ZNF385D: variants seen among roughly 807,000 people sequenced by gnomAD.
The protein encoded by ZNF385D is zinc finger protein 659.
In ZNF385D, 15 loss-of-function variants were observed where a neutral mutation model predicts 35.8. The ratio of observed to expected loss-of-function variants is 0.42; its 90% confidence interval spans 0.28 to 0.64. The LOEUF (loss-of-function observed/expected upper bound fraction) is 0.64. Among genes scored for constraint, ZNF385D ranks in the 30% least tolerant of loss-of-function variants. The pLI is 0.23. For missense variants in ZNF385D, 474 were observed against 494.6 expected (o/e 0.96, Z 0.39); for synonymous variants, 212 against 186.8 (o/e 1.13, Z -1.10).
At chr3:22,198,769 C>T (rs1269429434) in intron 2 of ZNF385D, among the ~76,000 whole-genome samples, 3 of 152,020 alleles carry the variant, frequency 2.0e-5, no homozygotes, top group Non-Finnish European at 2.9e-5. Context: ...AGTAAACAAC[C>T]TTTCCCCAAT....
intron 1 of ZNF385D, among the ~76,000 whole-genome samples, chr3:21,705,558 G>T (rs1339167608): frequency 6.6e-6 from 1 of 152,100 alleles, no homozygotes; most frequent in African/African-American, 2.4e-5. Flanking sequence ...CTACCTACGT[G>T]GGCATGGGAA....
At chr3:21,427,508 T>C (rs539234126) in intron 5 of ZNF385D, among the ~76,000 whole-genome samples, 1 of 152,240 alleles carries the variant, frequency 6.6e-6, no homozygotes, top group African/African-American at 2.4e-5. Flanking sequence ...AATACTTAAG[T>C]AGTTTATGTT....
At chr3:22,141,316 TTC>T (rs1470681474) in intron 3 of ZNF385D, among the ~76,000 whole-genome samples, 1 of 152,160 alleles carries the variant, frequency 6.6e-6, no homozygotes, top group Non-Finnish European at 1.5e-5. Flanking sequence ...AAAGAACATA[TTC>T]TCTTTCTCCT....
chr3:21,894,875 G>C (rs1051151499), intron 3 of ZNF385D, among the ~76,000 whole-genome samples: 1 of 152,014 alleles, frequency 6.6e-6, no homozygotes, highest in African/African-American at 2.4e-5. Flanking sequence ...AACCTCTGAA[G>C]AGTCAAGATA....
At chr3:21,864,019 G>T (rs116274832) in intron 3 of ZNF385D, among the ~76,000 whole-genome samples, 1 of 152,100 alleles carries the variant, frequency 6.6e-6, no homozygotes, top group African/African-American at 2.4e-5. Context: ...TGGATTATAC[G>T]TTGTGTAACC....
chr3:21,787,962 AAAAAAAAAAAAAAAAAAAAAG>A (rs1209038207), intron 3 of ZNF385D, among the ~76,000 whole-genome samples: 35 of 62,642 alleles, frequency 5.6e-4, no homozygotes, highest in Admixed American at 1.9e-3. Context: ...AAAAAAAAAA[AAAAAAAAAAAAAAAAAAAAAG>A]AGAGAGAGAG....
intron 2 of ZNF385D, among the ~76,000 whole-genome samples, chr3:22,281,577 T>C (rs1470689868): frequency 6.6e-6 from 1 of 152,108 alleles, no homozygotes; most frequent in Non-Finnish European, 1.5e-5. Context: ...TGCGCATCCC[T>C]TGTATGAAAT....
intron 2 of ZNF385D, among the ~76,000 whole-genome samples, chr3:22,340,343 T>A: frequency 6.6e-6 from 1 of 152,042 alleles, no homozygotes; most frequent in South Asian, 2.1e-4. Context: ...TATTCACTAA[T>A]CAAACAAAAA....
chr3:22,201,733 A>G lies in ZNF385D; in HGVS notation c.107-32698T>C, dbSNP rs1295087929. 3.3e-5 allele frequency among the ~76,000 whole-genome samples: 5 copies of G among 152,124 alleles called. No homozygotes were observed. The South Asian group carries it at 8.3e-4, about 25-fold the overall frequency. The stretch of plus-strand genomic sequence containing the variant: ...ATTTGTAATACTGTTATTAAAATGC[A>G]TACATGCAGGAAGGCATGGTAAGTA... On this transcript the variant is annotated intron_variant, in intron 2 of 5. Transcript: ENST00000494108.
intron 3 of ZNF385D, among the ~76,000 whole-genome samples, chr3:22,059,278 A>C (rs1487780843): frequency 2.0e-5 from 3 of 152,150 alleles, no homozygotes; most frequent in Non-Finnish European, 4.4e-5. Context: ...AAGAAGAAGA[A>C]GACAGGGCCA....
At chr3:22,189,050 C>G (rs552262406) in intron 2 of ZNF385D, among the ~76,000 whole-genome samples, 1 of 151,686 alleles carries the variant, frequency 6.6e-6, no homozygotes, top group African/African-American at 2.4e-5. Flanking sequence ...TTTTTTTTCT[C>G]TTCATTAGGT....
At chr3:22,205,196 A>T (rs1697068050) in intron 2 of ZNF385D, among the ~76,000 whole-genome samples, 2 of 152,024 alleles carry the variant, frequency 1.3e-5, no homozygotes, top group South Asian at 4.1e-4. Flanking sequence ...TTTAAAGGCC[A>T]GAAGAGAGTG....
intron 2 of ZNF385D, among the ~76,000 whole-genome samples, chr3:22,209,314 TTAAAA>T (rs999357457): frequency 2.9e-4 from 44 of 152,060 alleles, no homozygotes; most frequent in African/African-American, 9.1e-4. Flanking sequence ...AAATAAGCTG[TTAAAA>T]TAAACTTAAT....
chr3:21,563,209 T>C (rs2063017964), intron 3 of ZNF385D: 1 of 152,204 alleles, frequency 6.6e-6, no homozygotes, highest in Non-Finnish European at 1.5e-5. Flanking sequence ...CCTTCCACCA[T>C]GTGAAAATAC....
At chr3:21,803,629 CTA>C (rs573211927) in intron 3 of ZNF385D, among the ~76,000 whole-genome samples, 2 of 151,964 alleles carry the variant, frequency 1.3e-5, no homozygotes, top group African/African-American at 4.8e-5. Context: ...GACATAAAAG[CTA>C]TATATATCAT....
At chr3:21,556,666 C>T (rs1343375365) in intron 3 of ZNF385D, among the ~76,000 whole-genome samples, 1 of 152,086 alleles carries the variant, frequency 6.6e-6, no homozygotes, top group Admixed American at 6.6e-5. Flanking sequence ...TGATAACCTC[C>T]AGCTTTGTTC....
intron 4 of ZNF385D, among the ~76,000 whole-genome samples, chr3:21,493,441 A>G (rs1488866300): frequency 6.6e-6 from 1 of 152,180 alleles, no homozygotes; most frequent in Non-Finnish European, 1.5e-5. Context: ...AAAAAGCTAT[A>G]TAAATTAAAA....
At chr3:21,560,680 A>C (rs1412006088) in intron 3 of ZNF385D, among the ~76,000 whole-genome samples, 1 of 152,186 alleles carries the variant, frequency 6.6e-6, no homozygotes, top group Non-Finnish European at 1.5e-5. Context: ...CTGTGCTGGG[A>C]GATCCGCTGC....
chr3:21,708,373 C>T (rs2067983210), intron 1 of ZNF385D, among the ~76,000 whole-genome samples: 1 of 152,140 alleles, frequency 6.6e-6, no homozygotes, highest in African/African-American at 2.4e-5. Flanking sequence ...GTAACTTACC[C>T]AAGATGGCAC....
Sources: allele counts gnomAD v4.1 joint callset (sites outside exome capture counted in the v4.1 genomes callset), GRCh38; gene constraint gnomAD v4.1.1; transcripts MANE v1.5; gene names NCBI Gene and HGNC (gene_info 2026-07-23, HGNC 2026-07-21).